The following RBMS3 variants were observed in gnomAD, a reference collection of about 807,000 sequenced individuals.
The protein encoded by RBMS3 is RNA-binding motif, single-stranded-interacting protein 3.
A neutral mutation model predicts 66.8 loss-of-function variants in RBMS3; 27 were observed. The ratio of observed to expected loss-of-function variants is 0.40; its 90% CI spans 0.30 to 0.56. The LOEUF is 0.56. Ranked by LOEUF, RBMS3 falls within the 20% of genes least tolerant of loss-of-function variation. The pLI is 0.40. For missense variants in RBMS3, 513 were observed against 549.5 expected (o/e 0.93, Z 0.66); for synonymous variants, 188 against 183.0 (o/e 1.03, Z -0.22).
chr3:29,440,716 T>C (rs1029002067), intron 2 of RBMS3, among the ~76,000 whole-genome samples: 2 of 152,206 alleles, frequency 1.3e-5, no homozygotes, highest in Non-Finnish European at 2.9e-5. Context: ...CCCGGACTTT[T>C]ACACAACCCT....
chr3:29,631,796 A>T (rs2049291756), intron 4 of RBMS3, among the ~76,000 whole-genome samples: 1 of 151,842 alleles, frequency 6.6e-6, no homozygotes. Flanking sequence ...CTTGCTAATG[A>T]TCTGTGCAAA....
intron 4 of RBMS3, among the ~76,000 whole-genome samples, chr3:29,711,413 T>A (rs1241940780): frequency 6.6e-6 from 1 of 151,928 alleles, no homozygotes; most frequent in Non-Finnish European, 1.5e-5. Context: ...GGGAAGAGAG[T>A]TTCTATGGTT....
At chr3:29,564,044 G>T (rs1309818682) in intron 3 of RBMS3, among the ~76,000 whole-genome samples, 1 of 151,072 alleles carries the variant, frequency 6.6e-6, no homozygotes, top group East Asian at 1.9e-4. Context: ...GAGAAGAAAA[G>T]AAAGAAGGAA....
chr3:29,659,635 A>T (rs974191444), intron 4 of RBMS3, among the ~76,000 whole-genome samples: 1 of 152,164 alleles, frequency 6.6e-6, no homozygotes, highest in African/African-American at 2.4e-5. Context: ...CAGTCAATAG[A>T]TACTTGGATT....
chr3:29,839,883 C>A (rs2058620736), intron 6 of RBMS3, among the ~76,000 whole-genome samples: 1 of 151,812 alleles, frequency 6.6e-6, no homozygotes, highest in Non-Finnish European at 1.5e-5. Flanking sequence ...ATTGCCAAAA[C>A]ATAATATCTT....
intron 4 of RBMS3, among the ~76,000 whole-genome samples, chr3:29,673,010 T>C (rs2051074606): frequency 6.6e-6 from 1 of 150,914 alleles, no homozygotes; most frequent in South Asian, 2.1e-4. Flanking sequence ...CTTATTACAT[T>C]CCTCAGCAAA....
At chr3:29,373,316 G>T (rs1023898426) in intron 1 of RBMS3, among the ~76,000 whole-genome samples, 8 of 152,182 alleles carry the variant, frequency 5.3e-5, no homozygotes, top group African/African-American at 1.9e-4. Flanking sequence ...ATACTATTTG[G>T]TCATGCCAAG....
At chr3:30,000,936 AGTTGATGG>A (rs1166443780) in intron 14 of RBMS3, among the ~76,000 whole-genome samples, 1 of 152,050 alleles carries the variant, frequency 6.6e-6, no homozygotes, top group African/African-American at 2.4e-5. Flanking sequence ...TACCTAATGT[AGTTGATGG>A]GTTGATGGGT....
chr3:30,010,120 C>G lies in RBMS3; in HGVS notation c.*6258C>G, dbSNP rs1699922376. 6.6e-6 allele frequency: 1 copy of G among 151,378 alleles called. No individual in the cohort carries two copies. The highest frequency in any genetic ancestry group is 2.4e-5 in the African/African-American group (1 of 41,226). The allele number at this position is 151,378 out of a possible 1,614,324, so 9.4% of individuals were successfully genotyped here. On this transcript the variant is annotated 3_prime_UTR_variant, in exon 15 of 15. Coordinates refer to ENST00000383767, the MANE Select transcript of RBMS3 (RefSeq NM_001003793.3). ...CTTCTTTTAAAACCCTTGTTTCAGT[C>G]CATATTCAACTTCATGGAACTTCTG...
chr3:29,949,178 T>G (rs1190704440), intron 12 of RBMS3, among the ~76,000 whole-genome samples: 5 of 151,486 alleles, frequency 3.3e-5, no homozygotes, highest in Non-Finnish European at 5.9e-5. Flanking sequence ...TCACTGTTAT[T>G]TAGCCCAGGT....
At chr3:29,846,090 A>C (rs1435089966) in intron 6 of RBMS3, among the ~76,000 whole-genome samples, 1 of 151,624 alleles carries the variant, frequency 6.6e-6, no homozygotes. Context: ...TTTTTTCGAT[A>C]TTTGATGTGG....
chr3:29,456,954 T>A (rs144379629), intron 2 of RBMS3, among the ~76,000 whole-genome samples: 29 of 152,266 alleles, frequency 1.9e-4, no homozygotes, highest in African/African-American at 6.0e-4. Flanking sequence ...ATGGATAGGA[T>A]CTTTTGAAAT....
intron 3 of RBMS3, among the ~76,000 whole-genome samples, chr3:29,496,353 G>A (rs541488875): frequency 3.3e-5 from 5 of 152,164 alleles, no homozygotes; most frequent in African/African-American, 1.2e-4. Context: ...CCAGTCATAG[G>A]TCATCAATAT....
chr3:29,774,640 A>G (rs2056354791), intron 6 of RBMS3, among the ~76,000 whole-genome samples: 2 of 152,004 alleles, frequency 1.3e-5, no homozygotes. Context: ...GGTCAAAAAT[A>G]TTTTTATCAT....
intron 6 of RBMS3, among the ~76,000 whole-genome samples, chr3:29,864,838 G>GAAGGGAAGGGA (rs1190859989): frequency 6.8e-6 from 1 of 147,364 alleles, no homozygotes; most frequent in Non-Finnish European, 1.5e-5. Flanking sequence ...GAAGGGAAGG[G>GAAGGGAAGGGA]AAGGGAAGGG....
intron 6 of RBMS3, among the ~76,000 whole-genome samples, chr3:29,779,361 A>G (rs1439724383): frequency 6.6e-6 from 1 of 151,680 alleles, no homozygotes; most frequent in Non-Finnish European, 1.5e-5. Context: ...GAAAAGGCAC[A>G]CTATTAAAAA....
rs1699925296 is a variant in RBMS3, at chr3:30,010,211, A to G, written c.*6349A>G. On this transcript the variant is annotated 3_prime_UTR_variant, in exon 15 of 15. Coordinates refer to ENST00000383767, the MANE Select transcript of RBMS3 (RefSeq NM_001003793.3). ...GTACTGCTGTCTCTGACTGTCATGG[A>G]AAGTTCTGTAATTCTAAGGTGTTTC... 1.3e-5 allele frequency: 2 copies of G among 152,134 alleles called. No individual in the cohort carries two copies. The highest frequency in any genetic ancestry group is 6.5e-5 in the Admixed American group (1 of 15,270). 9.4% of individuals were successfully genotyped at this position (152,134 alleles called of 1,614,324 possible). A position where few individuals can be genotyped will look rare whatever the true frequency, so the allele number is the denominator to read the frequency against.
chr3:29,793,173 G>T (rs1392252727), intron 6 of RBMS3, among the ~76,000 whole-genome samples: 3 of 151,704 alleles, frequency 2.0e-5, no homozygotes, highest in Non-Finnish European at 4.4e-5. Context: ...GGAGGTTGCA[G>T]TGAGCCCAGA....
chr3:29,380,311 CATT>C (rs1442109354), intron 1 of RBMS3, among the ~76,000 whole-genome samples: 2 of 151,806 alleles, frequency 1.3e-5, no homozygotes, highest in African/African-American at 2.4e-5. Context: ...ATTTTTATAA[CATT>C]AGCTTATTAT....
Sources: allele counts gnomAD v4.1 joint callset (sites outside exome capture counted in the v4.1 genomes callset), GRCh38; gene constraint gnomAD v4.1.1; transcripts MANE v1.5; gene names NCBI Gene and HGNC (gene_info 2026-07-23, HGNC 2026-07-21).